KCNH5: variants seen among roughly 807,000 people sequenced by gnomAD.
KCNH5 encodes potassium voltage-gated channel subfamily H member 5.
Under a neutral mutation model 96.1 loss-of-function variants are expected in KCNH5, and 46 were observed. The observed-to-expected ratio is 0.48, with a 90% CI of 0.38 to 0.61. The LOEUF (loss-of-function observed/expected upper bound fraction) is 0.61, where lower values mean the gene tolerates loss of function less well. Ranked by LOEUF, KCNH5 falls within the 20% of genes least tolerant of loss-of-function variation. The pLI is 0.00. For synonymous variants in KCNH5, 439 were observed against 449.8 expected, an observed-to-expected ratio of 0.98 and a Z score of 0.30; for missense variants, 907 against 1,225.8, an observed-to-expected ratio of 0.74 and a Z score of 3.88.
rs1884421541 is a variant in KCNH5 at position 62,705,933 on chromosome 14, A to T, written c.*1575T>A. 1 of 152,204 alleles carries T rather than the reference A, an allele frequency of 6.6e-6. No individual in the cohort carries two copies. The allele number at this position is 152,204 out of a possible 1,614,324, so 9.4% of individuals were successfully genotyped here. The stretch of plus-strand genomic sequence containing the variant: ...TTACTCACACATTTTTTTCAACTTC[A>T]TGCAAACACTAACTCCCCTGCTCCC... On this transcript the variant is annotated 3_prime_UTR_variant, in exon 11 of 11. Transcript: ENST00000322893.
intron 7 of KCNH5, among the ~76,000 whole-genome samples, chr14:62,911,589 T>C (rs12590790): frequency 0.15 from 22,863 of 152,040 alleles, 2,142 homozygotes; most frequent in African/African-American, 0.27. Flanking sequence ...AAACACAACA[T>C]TGATTCAGAA....
chr14:62,833,043 T>C (rs993213739), intron 8 of KCNH5, among the ~76,000 whole-genome samples: 2 of 152,112 alleles, frequency 1.3e-5, no homozygotes, highest in African/African-American at 4.8e-5. Context: ...TTATAGTTTA[T>C]ACATATTTTT....
intron 1 of KCNH5, among the ~76,000 whole-genome samples, chr14:63,038,393 A>G (rs1431559625): frequency 6.6e-6 from 1 of 152,142 alleles, no homozygotes; most frequent in Admixed American, 6.6e-5. Context: ...TTATATCTAC[A>G]AGCTGTTATG....
chr14:62,940,965 T>C (rs1490084315), intron 7 of KCNH5, among the ~76,000 whole-genome samples: 1 of 152,136 alleles, frequency 6.6e-6, no homozygotes, highest in Non-Finnish European at 1.5e-5. Flanking sequence ...TAAGAACAGA[T>C]GAGACGAGGA....
chr14:62,989,113 C>G (rs1029005989), intron 4 of KCNH5, among the ~76,000 whole-genome samples: 3 of 151,926 alleles, frequency 2.0e-5, no homozygotes, highest in African/African-American at 7.3e-5. Flanking sequence ...CTCTCTGCAC[C>G]CCTACTATGT....
At chr14:62,739,876 G>A (rs1410491042) in intron 10 of KCNH5, among the ~76,000 whole-genome samples, 5 of 152,054 alleles carry the variant, frequency 3.3e-5, no homozygotes, top group Admixed American at 6.6e-5. Flanking sequence ...ATTTACAGTC[G>A]CCTTTTAATG....
At chr14:63,024,607 C>A (rs911058468) in intron 1 of KCNH5, among the ~76,000 whole-genome samples, 1 of 151,924 alleles carries the variant, frequency 6.6e-6, no homozygotes, top group Non-Finnish European at 1.5e-5. Flanking sequence ...ACAACTGATA[C>A]CACAGAAATA....
At chr14:62,887,257 A>G in intron 7 of KCNH5, among the ~76,000 whole-genome samples, 1 of 152,192 alleles carries the variant, frequency 6.6e-6, no homozygotes, top group East Asian at 1.9e-4. Flanking sequence ...GCAGGAAATG[A>G]TACAAGCGAA....
At chr14:62,834,830 C>A (rs937620703) in intron 8 of KCNH5, among the ~76,000 whole-genome samples, 1 of 151,948 alleles carries the variant, frequency 6.6e-6, no homozygotes, top group Non-Finnish European at 1.5e-5. Context: ...TACTGGGACA[C>A]AACAATGTTC....
At chr14:62,960,125 T>C (rs758462289) in intron 6 of KCNH5, among the ~76,000 whole-genome samples, 1 of 152,204 alleles carries the variant, frequency 6.6e-6, no homozygotes, top group Non-Finnish European at 1.5e-5. Flanking sequence ...ACAGGGATTA[T>C]GCACTTGCTG....
chr14:62,918,849 T>A (rs1294023562), intron 7 of KCNH5, among the ~76,000 whole-genome samples: 1 of 152,116 alleles, frequency 6.6e-6, no homozygotes, highest in Non-Finnish European at 1.5e-5. Context: ...CCAAAAATCT[T>A]CTAGAAATTT....
chr14:63,007,650 T>C (rs77601871), intron 2 of KCNH5, among the ~76,000 whole-genome samples: 7,235 of 152,216 alleles, frequency 0.048, 203 homozygotes, highest in East Asian at 0.062. Flanking sequence ...TCAGCTTGCA[T>C]GGACCTTATG....
intron 5 of KCNH5, among the ~76,000 whole-genome samples, chr14:62,983,009 A>T (rs1039776106): frequency 1.3e-5 from 2 of 152,140 alleles, no homozygotes; most frequent in South Asian, 4.1e-4. Context: ...GTCAATTCCA[A>T]TTTCATTGTG....
At chr14:62,858,335 G>T (rs913081047) in intron 7 of KCNH5, among the ~76,000 whole-genome samples, 3 of 152,166 alleles carry the variant, frequency 2.0e-5, no homozygotes, top group African/African-American at 7.2e-5. Context: ...TTGTAGTCCT[G>T]CCTGGATTGG....
chr14:62,836,512 A>G (rs1887470030), intron 8 of KCNH5, among the ~76,000 whole-genome samples: 1 of 152,142 alleles, frequency 6.6e-6, no homozygotes, highest in Non-Finnish European at 1.5e-5. Context: ...CACTCTAATT[A>G]TAACATATTC....
At chr14:62,811,617 TTTG>T (rs893418374) in intron 8 of KCNH5, among the ~76,000 whole-genome samples, 1 of 152,124 alleles carries the variant, frequency 6.6e-6, no homozygotes, top group Non-Finnish European at 1.5e-5. Context: ...GGTGTTGTAA[TTTG>T]TTGTTGTTGT....
intron 6 of KCNH5, among the ~76,000 whole-genome samples, chr14:62,958,794 C>T (rs567339045): frequency 2.6e-4 from 39 of 152,148 alleles, no homozygotes; most frequent in African/African-American, 7.9e-4. Context: ...CAGTGGGTTC[C>T]ACTATAAATT....
intron 6 of KCNH5, among the ~76,000 whole-genome samples, chr14:62,979,634 AAGTT>A (rs771596718): frequency 2.3e-4 from 35 of 152,164 alleles, no homozygotes; most frequent in Non-Finnish European, 4.3e-4. Context: ...TAGGATAATT[AAGTT>A]AGTAATATTA....
chr14:62,795,060 C>T (rs903699423), intron 9 of KCNH5, among the ~76,000 whole-genome samples: 15 of 152,076 alleles, frequency 9.9e-5, no homozygotes, highest in Admixed American at 7.9e-4. Flanking sequence ...AACACAGTTT[C>T]CCCCTCAATT....
Sources: gnomAD v4.1 joint callset for allele counts (sites outside exome capture counted in the v4.1 genomes callset) on GRCh38, gnomAD v4.1.1 for gene constraint, MANE v1.5 for transcripts, NCBI Gene and HGNC (gene_info 2026-07-23, HGNC 2026-07-21) for gene names.